BICD1: variants seen among roughly 807,000 people sequenced by gnomAD.
The protein encoded by BICD1 is protein bicaudal D homolog 1.
BICD1 carries 35 observed loss-of-function variants against 92.5 expected under a neutral mutation model. The observed-to-expected ratio is 0.38, with a 90% CI of 0.29 to 0.50. The LOEUF (loss-of-function observed/expected upper bound fraction) is 0.50. Ranked by LOEUF, BICD1 falls within the 20% of genes least tolerant of loss-of-function variation. The pLI is 0.93. For missense variants in BICD1, 950 were observed against 1,189.8 expected (o/e 0.80, Z 2.97); for synonymous variants, 429 against 465.1 (o/e 0.92, Z 1.00).
At chr12:32,237,978 G>T (rs1269603012) in intron 2 of BICD1, among the ~76,000 whole-genome samples, 2 of 152,166 alleles carry the variant, frequency 1.3e-5, no homozygotes, top group Non-Finnish European at 2.9e-5. Context: ...GATGGATCTG[G>T]GCAAAGTCTA....
At position 32,297,958 on chromosome 12, in the gene BICD1, G is replaced by C. The variant is rs1399479938; in HGVS notation, c.579+3812G>C. ...CTCAGCACTTTGGGAGGCTGAGGAG[G>C]ATCACTTGAGTCCAAAAGTTTGAGA... On this transcript the variant is annotated intron_variant, in intron 3 of 9. Transcript: ENST00000652176. Among the ~76,000 whole-genome samples, 4 of 152,028 alleles carry C rather than the reference G, an allele frequency of 2.6e-5. No homozygotes were observed. The East Asian group carries it at 5.8e-4, about 22-fold the overall frequency.
At chr12:32,372,720 A>C (rs1939784311) in intron 9 of BICD1, among the ~76,000 whole-genome samples, 1 of 151,904 alleles carries the variant, frequency 6.6e-6, no homozygotes, top group Admixed American at 6.6e-5. Flanking sequence ...CCTTTAAAAC[A>C]AAATACAAGA....
At chr12:32,221,199 T>A (rs1035987504) in intron 2 of BICD1, among the ~76,000 whole-genome samples, 1 of 151,544 alleles carries the variant, frequency 6.6e-6, no homozygotes, top group South Asian at 2.1e-4. Flanking sequence ...CATATGTAAC[T>A]AACCTGCACA....
chr12:32,234,661 T>C (rs900350472), intron 2 of BICD1, among the ~76,000 whole-genome samples: 1 of 149,108 alleles, frequency 6.7e-6, no homozygotes, highest in Non-Finnish European at 1.5e-5. Flanking sequence ...ACACCACTTT[T>C]TTTTTCTTTC....
chr12:32,236,270 C>T (rs1364097220), intron 2 of BICD1, among the ~76,000 whole-genome samples: 1 of 151,832 alleles, frequency 6.6e-6, no homozygotes, highest in Non-Finnish European at 1.5e-5. Context: ...TGACGCACAC[C>T]TGTAGTCCCA....
At chr12:32,306,268 G>T (rs1948213758) in intron 4 of BICD1, 146 bp downstream of exon 4, 1 of 996,610 alleles carries the variant, frequency 1.0e-6, no homozygotes, top group Admixed American at 3.0e-5. Context: ...TTTCGAGACA[G>T]AGTCTTGCTC....
rs1370468807 is a variant in BICD1 at position 32,152,777 on chromosome 12, GTC to G, written c.213+45235_213+45236del. Among the ~76,000 whole-genome samples the G allele has an allele frequency of 4.6e-5, 7 of 152,234 alleles. No individual in the cohort carries two copies. The East Asian group carries it at 1.3e-3, about 29-fold the overall frequency. On this transcript the variant is annotated intron_variant, in intron 1 of 9. Coordinates refer to ENST00000652176, the MANE Select transcript of BICD1 (RefSeq NM_001714.4). The stretch of plus-strand genomic sequence containing the variant: ...TTTTATTTTCTTTTTAAGAAATCAA[GTC>G]TACTTAATATGATAATAATATAGTC...
At chr12:32,364,881 T>C (rs958854032) in intron 8 of BICD1, among the ~76,000 whole-genome samples, 3 of 151,526 alleles carry the variant, frequency 2.0e-5, no homozygotes, top group Non-Finnish European at 4.4e-5. Context: ...AGCCCAGGCG[T>C]TGGATGCTGA....
chr12:32,191,967 G>A (rs559480976), intron 1 of BICD1, among the ~76,000 whole-genome samples: 1 of 152,152 alleles, frequency 6.6e-6, no homozygotes, highest in African/African-American at 2.4e-5. Context: ...TTGTTCAAGT[G>A]AAAGGAAGAG....
At position 32,107,320 on chromosome 12, in the gene BICD1, T is replaced by C. The variant is rs1367248933; in HGVS notation, c.-12T>C. On this transcript the variant is annotated 5_prime_UTR_variant, in exon 1 of 10. Transcript: ENST00000652176. ...ACCCCGTAACCCCCTCCTGCCTCCA[T>C]CCACCGGGGCTATGGCCGCAGAAGA... 1 of 1,582,752 alleles carries C rather than the reference T, an allele frequency of 6.3e-7. No homozygotes were observed. The highest frequency in any genetic ancestry group is 8.6e-7 in the Non-Finnish European group (1 of 1,163,614).
intron 1 of BICD1, among the ~76,000 whole-genome samples, chr12:32,151,857 TC>T (rs897839980): frequency 1.7e-4 from 26 of 152,200 alleles, no homozygotes; most frequent in Admixed American, 1.6e-3. Context: ...TTTTTCTCCT[TC>T]CCTGTGGCCA....
intron 2 of BICD1, among the ~76,000 whole-genome samples, chr12:32,274,198 A>G (rs1352092141): frequency 6.6e-6 from 1 of 152,234 alleles, no homozygotes; most frequent in East Asian, 1.9e-4. Flanking sequence ...TTAAAAACAC[A>G]TCTTTGAGTT....
At chr12:32,363,721 C>T (rs1053193397) in intron 8 of BICD1, among the ~76,000 whole-genome samples, 3 of 152,090 alleles carry the variant, frequency 2.0e-5, no homozygotes, top group African/African-American at 7.2e-5. Flanking sequence ...AATTAACTTC[C>T]GCTGTGAGGT....
intron 2 of BICD1, among the ~76,000 whole-genome samples, chr12:32,217,873 G>A (rs1945404937): frequency 6.6e-6 from 1 of 152,216 alleles, no homozygotes; most frequent in Admixed American, 6.5e-5. Flanking sequence ...TTTGCAGGGA[G>A]CAACCTCAGC....
At chr12:32,139,971 G>A (rs1256613627) in intron 1 of BICD1, among the ~76,000 whole-genome samples, 1 of 152,150 alleles carries the variant, frequency 6.6e-6, no homozygotes, top group East Asian at 1.9e-4. Context: ...AGAACCATCT[G>A]TCCGTGTACC....
chr12:32,370,367 A>G lies in BICD1; in HGVS notation c.2840+2622A>G, dbSNP rs532980374. On this transcript the variant is annotated intron_variant, in intron 9 of 9. Transcript: ENST00000652176. Reference sequence around the variant, plus strand: ...GGCGACAGAGCAAAAAAGAAAAAAAAAAAAGAAATAATGTAATTATAGATT... The same window carrying G: ...GGCGACAGAGCAAAAAAGAAAAAAAGAAAAGAAATAATGTAATTATAGATT... Among the ~76,000 whole-genome samples, 3 of 152,206 alleles carry G rather than the reference A, an allele frequency of 2.0e-5. No individual in the cohort carries two copies. The South Asian group carries it at 6.2e-4, about 32-fold the overall frequency.
intron 9 of BICD1, among the ~76,000 whole-genome samples, chr12:32,374,940 A>T: frequency 5.7e-5 from 2 of 35,320 alleles, no homozygotes; most frequent in Non-Finnish European, 1.0e-4. Flanking sequence ...TTTTTTTGAG[A>T]CGGAGTCTCG....
At chr12:32,248,981 C>G (rs1946460984) in intron 2 of BICD1, among the ~76,000 whole-genome samples, 1 of 152,184 alleles carries the variant, frequency 6.6e-6, no homozygotes, top group South Asian at 2.1e-4. Flanking sequence ...ATGGAATTTT[C>G]CACTGCGGGC....
In BICD1 at chr12:32,328,582, T is replaced by A. The variant is rs1391522514; in HGVS notation, c.2100+27T>A. 2 of 1,586,440 alleles carry A rather than the reference T, an allele frequency of 1.3e-6. No homozygotes were observed. Among genetic ancestry groups the A allele is most frequent in the South Asian group, 1.1e-5 (1 of 87,634 alleles). On this transcript the variant is annotated intron_variant, in intron 5 of 9. Coordinates refer to ENST00000652176, the MANE Select transcript of BICD1 (RefSeq NM_001714.4). The surrounding 1 kb of genome is among the most constrained non-coding windows in gnomAD (Gnocchi z 4.4). ...TAATCTCATTCTACTGGTGAAAGCA[T>A]GCCAGTCAAAGCTTTCTTAACTAAT...
Sources: allele counts gnomAD v4.1 joint callset (sites outside exome capture counted in the v4.1 genomes callset), GRCh38; gene constraint gnomAD v4.1.1; non-coding constraint Gnocchi (gnomAD v3.1); transcripts MANE v1.5; gene names NCBI Gene and HGNC (gene_info 2026-07-23, HGNC 2026-07-21).